ETV7: variants seen among roughly 807,000 people sequenced by gnomAD.
ETV7 encodes ETS variant transcription factor 7.
In ETV7, 43 loss-of-function variants were observed where a neutral mutation model predicts 39.1. That is an observed-to-expected ratio of 1.10 (90% CI 0.86 to 1.42). The LOEUF is 1.42. Ranked by LOEUF, ETV7 falls within the 40% of genes most tolerant of loss-of-function variation. The probability of loss-of-function intolerance (pLI) is 0.00; values close to 1 mark genes in which losing one functional copy is unlikely to be tolerated. For synonymous variants in ETV7, 196 were observed against 176.6 expected (o/e 1.11, Z -0.87); for missense variants, 432 against 442.3 (o/e 0.98, Z 0.21).
chr6:36,385,172 T>TA (rs565608552), intron 2 of ETV7, among the ~76,000 whole-genome samples: 17 of 151,596 alleles, frequency 1.1e-4, no homozygotes, highest in African/African-American at 4.1e-4. Flanking sequence ...GTCTCTTATT[T>TA]AAAAAAAAAT....
At chr6:36,359,817 T>C (rs916548573) in intron 7 of ETV7, among the ~76,000 whole-genome samples, 2 of 152,236 alleles carry the variant, frequency 1.3e-5, no homozygotes, top group African/African-American at 4.8e-5. Flanking sequence ...AAGGATGTTG[T>C]CTTTCATTTT....
chr6:36,384,649 G>A (rs1036716342), intron 2 of ETV7, among the ~76,000 whole-genome samples: 1 of 152,094 alleles, frequency 6.6e-6, no homozygotes, highest in Admixed American at 6.5e-5. Context: ...CAGCATTTTG[G>A]GAGGCCGAGG....
intron 2 of ETV7, among the ~76,000 whole-genome samples, chr6:36,383,424 C>T (rs1366598382): frequency 6.6e-6 from 1 of 152,172 alleles, no homozygotes; most frequent in Non-Finnish European, 1.5e-5. Flanking sequence ...GTGAGCTCTA[C>T]AGGAAAATAA....
chr6:36,373,374 T>C (rs1421822989), intron 4 of ETV7, 79 bp downstream of exon 4: 1 of 1,415,564 alleles, frequency 7.1e-7, no homozygotes, highest in South Asian at 1.6e-5. Context: ...CTTTCATTGC[T>C]TCGCCTTGAG....
exon 8 of ETV7, chr6:36,354,521 A>G (rs1348284702): frequency 2.7e-5 from 16 of 588,428 alleles, no homozygotes; most frequent in Non-Finnish European, 4.5e-5. Flanking sequence ...TTCTTAATCT[A>G]TATCCTTATG....
downstream of ETV7, among the ~76,000 whole-genome samples, chr6:36,361,828 G>C (rs533834988): frequency 6.6e-6 from 1 of 152,074 alleles, no homozygotes; most frequent in Non-Finnish European, 1.5e-5. Context: ...ATCATGCCTG[G>C]CCACTTTTTC....
intron 2 of ETV7, among the ~76,000 whole-genome samples, chr6:36,378,663 G>A (rs1027900388): frequency 2.0e-5 from 3 of 152,154 alleles, no homozygotes; most frequent in Admixed American, 1.3e-4. Flanking sequence ...AGCAAAGCAG[G>A]ATTTCTCAAC....
chr6:36,375,718 C>T (rs1276265285), intron 3 of ETV7, 153 bp downstream of exon 3: 3 of 1,229,684 alleles, frequency 2.4e-6, no homozygotes, highest in South Asian at 1.3e-5. Flanking sequence ...ACCAGATACA[C>T]ACGTATGCAG....
chr6:36,358,451 G>T (rs1301079839), intron 7 of ETV7, among the ~76,000 whole-genome samples: 1 of 152,186 alleles, frequency 6.6e-6, no homozygotes, highest in Admixed American at 6.5e-5. Context: ...AAAAAATAAT[G>T]TTCTTATTGC....
rs758687552 is a variant in ETV7 at position 36,385,685 on chromosome 6, C to A, written c.7-16G>T. The A allele has an allele frequency of 6.3e-7, 1 of 1,585,584 alleles. No homozygotes were observed. Among genetic ancestry groups the A allele is most frequent in the African/African-American group, 1.4e-5 (1 of 73,278 alleles). ...ATTCTCCCTCCTAGAGAGAGAAAAA[C>A]CAGGACAGTCAAAGAAGAGCATCTT... On this transcript the variant is annotated splice_polypyrimidine_tract_variant and intron_variant, in intron 1 of 7. Coordinates refer to ENST00000340181, the MANE Select transcript of ETV7 (RefSeq NM_016135.4).
chr6:36,361,704 T>G (rs1772493841), downstream of ETV7, among the ~76,000 whole-genome samples: 1 of 152,258 alleles, frequency 6.6e-6, no homozygotes, highest in Non-Finnish European at 1.5e-5. Flanking sequence ...ATGCTGTAAA[T>G]GGTTCAACTG....
chr6:36,366,398 T>C lies in ETV7; in HGVS notation c.*247A>G. On this transcript the variant is annotated 3_prime_UTR_variant, in exon 8 of 8. Coordinates refer to ENST00000340181, the MANE Select transcript of ETV7 (RefSeq NM_016135.4). ...GGTGCCTGGCTTCCTCTCCCAGGGG[T>C]GCAGTAGGGGAGAGTCCATTCCCCT... 7.5e-7 allele frequency: 1 copy of C among 1,325,004 alleles called. No individual in the cohort carries two copies. The highest frequency in any genetic ancestry group is 9.7e-7 in the Non-Finnish European group (1 of 1,034,434). 82.1% of individuals were successfully genotyped at this position (1,325,004 alleles called of 1,614,324 possible). A position where few individuals can be genotyped will look rare whatever the true frequency, so the allele number is the denominator to read the frequency against.
intron 1 of ETV7, among the ~76,000 whole-genome samples, chr6:36,387,273 G>A (rs1773956119): frequency 6.6e-6 from 1 of 152,196 alleles, no homozygotes; most frequent in Non-Finnish European, 1.5e-5. Flanking sequence ...TAAGGGGGCT[G>A]CGGAAAGGGC....
At chr6:36,363,479 T>A (rs891020561), downstream of ETV7, among the ~76,000 whole-genome samples, 1 of 151,912 alleles carries the variant, frequency 6.6e-6, no homozygotes, top group Non-Finnish European at 1.5e-5. Flanking sequence ...CATTCATTCC[T>A]CCCGGTGGGG....
chr6:36,380,297 G>A (rs755552242), intron 2 of ETV7, among the ~76,000 whole-genome samples: 1 of 152,050 alleles, frequency 6.6e-6, no homozygotes, highest in Non-Finnish European at 1.5e-5. Context: ...TCAGCCCCCG[G>A]CCTCTCCCTC....
intron 1 of ETV7, among the ~76,000 whole-genome samples, chr6:36,387,153 G>A (rs1257664843): frequency 6.6e-6 from 1 of 152,210 alleles, no homozygotes; most frequent in East Asian, 1.9e-4. Context: ...GTGGGGAGAG[G>A]CTGCTAAAGA....
chr6:36,363,716 T>C (rs1056974787), downstream of ETV7, among the ~76,000 whole-genome samples: 1 of 152,136 alleles, frequency 6.6e-6, no homozygotes, highest in Non-Finnish European at 1.5e-5. Flanking sequence ...TTTGACAGGG[T>C]GCTGATTGGT....
At chr6:36,357,722 T>TA (rs930489549) in intron 7 of ETV7, among the ~76,000 whole-genome samples, 5 of 151,852 alleles carry the variant, frequency 3.3e-5, no homozygotes, top group African/African-American at 1.2e-4. Context: ...ACTAAAAATA[T>TA]AAAAAATTAG....
Position 36,366,607 on chromosome 6 carries a change from G to T in ETV7, c.*38C>A. 6.2e-7 allele frequency: 1 copy of T among 1,613,900 alleles called. No individual in the cohort carries two copies. ...TGCCTTCATGGGAGACTCGGTCCCT[G>T]CCCCATCGGTACCGGGTGCCTGGAG... On this transcript the variant is annotated 3_prime_UTR_variant, in exon 8 of 8. Transcript: ENST00000340181.
Sources: allele counts gnomAD v4.1 joint callset (sites outside exome capture counted in the v4.1 genomes callset), GRCh38; gene constraint gnomAD v4.1.1; transcripts MANE v1.5; gene names NCBI Gene and HGNC (gene_info 2026-07-23, HGNC 2026-07-21).